ADAMTS12: variants seen among roughly 807,000 people sequenced by gnomAD.
The protein encoded by ADAMTS12 is ADAM metallopeptidase with thrombospondin type 1 motif 12.
A neutral mutation model predicts 167.8 loss-of-function variants in ADAMTS12; 118 were observed. That is an observed-to-expected ratio of 0.70 (90% CI 0.61 to 0.82). ADAMTS12 has a LOEUF of 0.82. ADAMTS12 is among the 40% of genes least tolerant of loss of function. The probability of loss-of-function intolerance (pLI) is 0.00; values close to 1 mark genes in which losing one functional copy is unlikely to be tolerated. For synonymous variants in ADAMTS12, 704 were observed against 716.9 expected, an observed-to-expected ratio of 0.98 and a Z score of 0.29; for missense variants, 1,916 against 1,998.8, an observed-to-expected ratio of 0.96 and a Z score of 0.79.
At chr5:33,872,034 CTCTA>C (rs1309497083) in intron 2 of ADAMTS12, among the ~76,000 whole-genome samples, 16 of 152,232 alleles carry the variant, frequency 1.1e-4, no homozygotes, top group African/African-American at 1.9e-4. Context: ...GTAAATAGGT[CTCTA>C]TCTATTTTAA....
intron 2 of ADAMTS12, among the ~76,000 whole-genome samples, chr5:33,873,105 T>C (rs1750099829): frequency 6.7e-6 from 1 of 148,974 alleles, no homozygotes; most frequent in African/African-American, 2.5e-5. Flanking sequence ...AATATAAGTA[T>C]ACTAATTGCA....
rs553050048 is a variant in ADAMTS12 at position 33,577,163 on chromosome 5, A to G, written c.2866-3T>C. 1.9e-6 allele frequency: 3 copies of G among 1,614,122 alleles called. No individual in the cohort carries two copies. The East Asian group carries it at 6.7e-5, about 36-fold the overall frequency. ...CCACCACCACAGGAAACAGAACACT[A>G]GAAGAGAGAAACAGCTGTTAGCCTG... On this transcript the variant is annotated splice_region_variant and splice_polypyrimidine_tract_variant and intron_variant, in intron 18 of 23. Coordinates refer to ENST00000504830, the MANE Select transcript of ADAMTS12 (RefSeq NM_030955.4).
At chr5:33,628,526 C>T (rs755873112) in intron 13 of ADAMTS12, among the ~76,000 whole-genome samples, 1 of 152,084 alleles carries the variant, frequency 6.6e-6, no homozygotes, top group African/African-American at 2.4e-5. Flanking sequence ...CTCTAACATA[C>T]CAAAATATTG....
intron 3 of ADAMTS12, among the ~76,000 whole-genome samples, chr5:33,714,034 C>T (rs1383550221): frequency 2.0e-5 from 3 of 152,064 alleles, no homozygotes; most frequent in Non-Finnish European, 4.4e-5. Context: ...TGTGATACCA[C>T]TTGTATTTAT....
chr5:33,780,808 A>G (rs1389405878), intron 2 of ADAMTS12, among the ~76,000 whole-genome samples: 1 of 152,112 alleles, frequency 6.6e-6, no homozygotes, highest in Non-Finnish European at 1.5e-5. Flanking sequence ...CTCTCTCGTA[A>G]GAAGAGTCTA....
intron 14 of ADAMTS12, among the ~76,000 whole-genome samples, chr5:33,623,868 C>G (rs1185535156): frequency 1.3e-5 from 2 of 152,216 alleles, no homozygotes; most frequent in Non-Finnish European, 2.9e-5. Flanking sequence ...CTTCTCTCCC[C>G]TAGTTCTTGG....
chr5:33,573,621 T>C (rs1451487367), intron 19 of ADAMTS12, among the ~76,000 whole-genome samples: 1 of 152,152 alleles, frequency 6.6e-6, no homozygotes, highest in Non-Finnish European at 1.5e-5. Context: ...ACTTACATGT[T>C]AGACCTAAAA....
rs146467364 is a variant in ADAMTS12 at position 33,715,640 on chromosome 5, T to C, written c.635-31585A>G. Among the ~76,000 whole-genome samples the C allele has an allele frequency of 3.3e-3, 496 of 152,266 alleles. 4 individuals carry two copies. The highest frequency in any genetic ancestry group is 0.011 in the African/African-American group (474 of 41,548). On this transcript the variant is annotated intron_variant, in intron 3 of 23. Transcript: ENST00000504830. The stretch of plus-strand genomic sequence containing the variant: ...GCTCAGCTTCTCGTGGCTGTAGATT[T>C]ACTGCACTCTACAACAGGAGGGTAG...
chr5:33,688,237 A>G (rs1742414905), intron 3 of ADAMTS12, among the ~76,000 whole-genome samples: 1 of 152,148 alleles, frequency 6.6e-6, no homozygotes, highest in East Asian at 1.9e-4. Flanking sequence ...CCATTCGATG[A>G]CTTTTTTCAT....
chr5:33,649,697 G>A lies in ADAMTS12; in HGVS notation c.1191C>T (p.Ser397=). Reference sequence around the variant, plus strand: ...CTTTCCCATCATGCTGGATGCCGAAGCTGGCAGGGAAGAACCAAGCACAAG... The same window carrying A: ...CTTTCCCATCATGCTGGATGCCGAAACTGGCAGGGAAGAACCAAGCACAAG... ...AFTIAHELGH[S]FGIQHDGKEN... The change falls in exon 8 of 24, where the codon AGC becomes AGT. Residue 397 remains serine, a splice_region_variant and synonymous_variant. Transcript: ENST00000504830. 1 of 1,613,644 alleles carries A rather than the reference G, an allele frequency of 6.2e-7. No individual in the cohort carries two copies. Among genetic ancestry groups the A allele is most frequent in the Non-Finnish European group, 8.5e-7 (1 of 1,179,732 alleles).
At chr5:33,568,675 C>T (rs779806710) in intron 19 of ADAMTS12, among the ~76,000 whole-genome samples, 14 of 152,334 alleles carry the variant, frequency 9.2e-5, no homozygotes, top group Middle Eastern at 6.8e-3. Context: ...ACGCAGAAGA[C>T]GGGTGATTTC....
At chr5:33,630,641 C>T in intron 13 of ADAMTS12, 139 bp downstream of exon 13, 1 of 905,062 alleles carries the variant, frequency 1.1e-6, no homozygotes, top group South Asian at 2.3e-5. Flanking sequence ...GAAGTCTTAT[C>T]TTTTCGTTTC....
intron 3 of ADAMTS12, among the ~76,000 whole-genome samples, chr5:33,689,884 G>T (rs1177610911): frequency 1.3e-5 from 2 of 152,208 alleles, no homozygotes; most frequent in Admixed American, 6.5e-5. Context: ...AGAAAAGAAT[G>T]AACCCCAAAG....
intron 3 of ADAMTS12, among the ~76,000 whole-genome samples, chr5:33,727,062 C>CCT (rs1466305791): frequency 6.6e-6 from 1 of 152,028 alleles, no homozygotes; most frequent in East Asian, 1.9e-4. Context: ...CACAAAGCTT[C>CCT]CTCTCTCTCT....
At chr5:33,823,671 G>A (rs6451025) in intron 2 of ADAMTS12, among the ~76,000 whole-genome samples, 87,477 of 150,504 alleles carry the variant, frequency 0.58, 25,819 homozygotes, top group Non-Finnish European at 0.64. Flanking sequence ...TTTTTAAGAA[G>A]AAGAAACTTC....
Position 33,546,146 on chromosome 5 carries a change from G to T in ADAMTS12, c.4359C>A (p.Gly1453=). 1 of 1,613,964 alleles carries T rather than the reference G, an allele frequency of 6.2e-7. No individual in the cohort carries two copies. Residue 1453 remains glycine (G), a synonymous_variant, in exon 22 of 24, where the codon GGC becomes GGA. Transcript: ENST00000504830. ...VQERGVFCPG[G]LCDWTKRPTS... The stretch of plus-strand genomic sequence containing the variant: ...TGGGTCTTTTTGTCCAATCACAGAG[G>T]CCTCCTGGACAGAACACTCCTCTCT...
intron 2 of ADAMTS12, among the ~76,000 whole-genome samples, chr5:33,794,719 A>G (rs1026228822): frequency 9.9e-5 from 15 of 152,222 alleles, no homozygotes; most frequent in Admixed American, 9.8e-4. Flanking sequence ...AATGTATCTC[A>G]GCAGCCCTTG....
intron 6 of ADAMTS12, among the ~76,000 whole-genome samples, chr5:33,659,638 G>A (rs1167970169): frequency 5.3e-5 from 8 of 152,158 alleles, no homozygotes; most frequent in Non-Finnish European, 1.2e-4. Context: ...GGTTCTTACA[G>A]GCCAGCAGCT....
intron 2 of ADAMTS12, among the ~76,000 whole-genome samples, chr5:33,865,459 GAC>G (rs1749782897): frequency 6.6e-6 from 1 of 151,974 alleles, no homozygotes; most frequent in South Asian, 2.1e-4. Flanking sequence ...GCATAGAATG[GAC>G]ATACCTCAAA....
Sources: allele counts gnomAD v4.1 joint callset (sites outside exome capture counted in the v4.1 genomes callset), GRCh38; gene constraint gnomAD v4.1.1; transcripts MANE v1.5; gene names NCBI Gene and HGNC (gene_info 2026-07-23, HGNC 2026-07-21).